DIAPH2: variants seen among roughly 807,000 people sequenced by gnomAD.
DIAPH2 encodes the protein protein diaphanous homolog 2.
Under a neutral mutation model 92.7 loss-of-function variants are expected in DIAPH2, and 35 were observed. The observed-to-expected ratio is 0.38, with a 90% CI of 0.29 to 0.50. The LOEUF (loss-of-function observed/expected upper bound fraction) is 0.50, where lower values mean the gene tolerates loss of function less well. Ranked by LOEUF, DIAPH2 falls within the 20% of genes least tolerant of loss-of-function variation. DIAPH2 has a pLI of 0.94. For missense variants in DIAPH2, 701 were observed against 819.5 expected (o/e 0.86, Z 1.77); for synonymous variants, 301 against 280.4 (o/e 1.07, Z -0.73).
At chrX:97,006,148 A>C (rs2066180920) in intron 17 of DIAPH2, among the ~76,000 whole-genome samples, 1 of 111,140 alleles carries the variant, frequency 9.0e-6, no homozygotes, top group Non-Finnish European at 1.9e-5. Context: ...TTCTAGTTTT[A>C]TTCCATTATG....
At chrX:97,331,000 T>TG (rs2068997023) in intron 23 of DIAPH2, among the ~76,000 whole-genome samples, 1 of 111,502 alleles carries the variant, frequency 9.0e-6, no homozygotes, top group African/African-American at 3.3e-5. Flanking sequence ...GTCCAAGAGC[T>TG]GGCTTTGAAT....
chrX:97,123,756 A>C (rs1399014034), intron 21 of DIAPH2, among the ~76,000 whole-genome samples: 3 of 112,481 alleles, frequency 2.7e-5, no homozygotes, highest in African/African-American at 9.7e-5. Flanking sequence ...CAGCCCTCTA[A>C]GAGTTGGAAA....
chrX:96,927,415 A>G (rs191858547), intron 9 of DIAPH2, among the ~76,000 whole-genome samples: 1 of 109,304 alleles, frequency 9.1e-6, no homozygotes, highest in East Asian at 2.9e-4. Context: ...TTATTCAGCA[A>G]TGAGTTTTGT....
At chrX:97,563,434 A>G (rs1043069256) in intron 26 of DIAPH2, among the ~76,000 whole-genome samples, 1 of 2,142 alleles carries the variant, frequency 4.7e-4, no homozygotes, top group African/African-American at 4.9e-4. Flanking sequence ...TAATAAAAAG[A>G]AAAAAACTAT....
At chrX:97,269,054 A>G (rs2068363455) in intron 23 of DIAPH2, among the ~76,000 whole-genome samples, 1 of 109,678 alleles carries the variant, frequency 9.1e-6, no homozygotes, top group Non-Finnish European at 1.9e-5. Context: ...ATGGGGTTTC[A>G]CCATGTTGGT....
intron 26 of DIAPH2, among the ~76,000 whole-genome samples, chrX:97,514,267 C>G (rs1322193483): frequency 1.8e-5 from 2 of 112,922 alleles, no homozygotes; most frequent in African/African-American, 6.4e-5. Context: ...ATTTCATCTT[C>G]CATTGCTGAT....
intron 22 of DIAPH2, among the ~76,000 whole-genome samples, chrX:97,243,616 A>T (rs1203725992): frequency 8.9e-6 from 1 of 111,890 alleles, no homozygotes. Context: ...CATAATATAA[A>T]TAATCCATTA....
intron 23 of DIAPH2, among the ~76,000 whole-genome samples, chrX:97,267,278 G>T (rs1019741731): frequency 1.8e-5 from 2 of 110,742 alleles, no homozygotes; most frequent in African/African-American, 6.7e-5. Context: ...AATGGGGTGC[G>T]TCAGCTGGAT....
At chrX:97,193,460 A>G (rs189507095) in intron 22 of DIAPH2, among the ~76,000 whole-genome samples, 5 of 111,940 alleles carry the variant, frequency 4.5e-5, no homozygotes, top group African/African-American at 1.6e-4. Context: ...GCACATTTTA[A>G]TTATTGATTT....
intron 22 of DIAPH2, among the ~76,000 whole-genome samples, chrX:97,202,981 C>T (rs868147320): frequency 8.9e-6 from 1 of 112,265 alleles, no homozygotes; most frequent in Middle Eastern, 4.6e-3. Context: ...TCTCAGACCA[C>T]AGTGCAATCA....
At position 97,604,539 on chromosome X, in the gene DIAPH2, C is replaced by G. The variant is rs2071610201; in HGVS notation, c.*5222C>G. ...TTGTCTGCACAGGCTGCTGCATGCT[C>G]TGTTGTTAAATGGATGGACAGGCTA... On this transcript the variant is annotated 3_prime_UTR_variant, in exon 27 of 27. Transcript: ENST00000324765. 8.9e-6 allele frequency: 1 copy of G among 112,084 alleles called. No individual in the cohort carries two copies. The highest frequency in any genetic ancestry group is 3.3e-5 in the African/African-American group (1 of 30,731). 9.2% of individuals were successfully genotyped at this position (112,084 alleles called of 1,213,427 possible). A position where few individuals can be genotyped will look rare whatever the true frequency, so the allele number is the denominator to read the frequency against.
chrX:96,998,943 T>C (rs765603274), intron 17 of DIAPH2, among the ~76,000 whole-genome samples: 1 of 112,319 alleles, frequency 8.9e-6, no homozygotes, highest in South Asian at 3.8e-4. Flanking sequence ...ATATTACAGA[T>C]GGTATTCGTT....
chrX:96,812,507 T>C (rs1233789621), intron 4 of DIAPH2, among the ~76,000 whole-genome samples: 1 of 111,769 alleles, frequency 8.9e-6, no homozygotes, highest in Non-Finnish European at 1.9e-5. Context: ...GGGTATTTTG[T>C]GTCTTTATCT....
chrX:97,209,691 G>A (rs1443041591), intron 22 of DIAPH2, among the ~76,000 whole-genome samples: 2 of 110,267 alleles, frequency 1.8e-5, no homozygotes, highest in Admixed American at 9.7e-5. Flanking sequence ...TTATAACTAT[G>A]ACTTGATATG....
chrX:97,144,763 TCTTTCTTTCTTTC>T (rs1269384976), intron 22 of DIAPH2, among the ~76,000 whole-genome samples: 1 of 110,102 alleles, frequency 9.1e-6, no homozygotes, highest in Non-Finnish European at 1.9e-5. Context: ...TTTCTTTCTT[TCTTTCTTTCTTTC>T]TTTTTTGAGA....
At chrX:97,046,689 A>G (rs2066486545) in intron 17 of DIAPH2, among the ~76,000 whole-genome samples, 1 of 112,024 alleles carries the variant, frequency 8.9e-6, no homozygotes, top group Non-Finnish European at 1.9e-5. Flanking sequence ...ATATAGAAGC[A>G]TTAAGGGGAA....
chrX:97,444,438 C>A (rs2070289974), intron 26 of DIAPH2, among the ~76,000 whole-genome samples: 1 of 111,486 alleles, frequency 9.0e-6, no homozygotes, highest in African/African-American at 3.3e-5. Context: ...TGCTATTGTG[C>A]ATGGATTTCA....
At chrX:96,831,508 C>T (rs867249329) in intron 4 of DIAPH2, among the ~76,000 whole-genome samples, 14 of 112,045 alleles carry the variant, frequency 1.2e-4, no homozygotes, top group Middle Eastern at 9.3e-3. Context: ...ATCTGTGCAA[C>T]TGTGATTAAG....
chrX:97,165,461 T>G (rs1252176823), intron 22 of DIAPH2, among the ~76,000 whole-genome samples: 1 of 111,814 alleles, frequency 8.9e-6, no homozygotes, highest in African/African-American at 3.2e-5. Flanking sequence ...CTCTACATAC[T>G]CTGATGCAAT....
Sources: gnomAD v4.1 joint callset for allele counts (sites outside exome capture counted in the v4.1 genomes callset) on GRCh38, gnomAD v4.1.1 for gene constraint, MANE v1.5 for transcripts, NCBI Gene and HGNC (gene_info 2026-07-23, HGNC 2026-07-21) for gene names.